The following MICAL3 variants were observed in gnomAD, a reference collection of about 807,000 sequenced individuals.
MICAL3 encodes the protein [F-actin]-monooxygenase MICAL3.
In MICAL3, 62 loss-of-function variants were observed where a neutral mutation model predicts 207.4. That is an observed-to-expected ratio of 0.30 (90% CI 0.24 to 0.37). MICAL3 has a LOEUF of 0.37. MICAL3 is among the 10% of genes least tolerant of loss of function. MICAL3 has a pLI of 1.00. For missense variants in MICAL3, 2,368 were observed against 2,635.6 expected (o/e 0.90, Z 2.22); for synonymous variants, 1,077 against 1,069.3 (o/e 1.01, Z -0.14).
At chr22:17,876,940 A>AG in intron 16 of MICAL3, 1 of 125,932 alleles carries the variant, frequency 7.9e-6, no homozygotes, top group Admixed American at 7.7e-5. Context: ...GAGGTTAGGG[A>AG]GGTTATGGAG....
At chr22:17,928,355 C>T (rs1163262470) in intron 1 of MICAL3, among the ~76,000 whole-genome samples, 3 of 151,774 alleles carry the variant, frequency 2.0e-5, no homozygotes, top group East Asian at 1.9e-4. Context: ...AGGAGAATGG[C>T]GTGAACCCGG....
chr22:18,000,275 T>C (rs1376389322), intron 1 of MICAL3, among the ~76,000 whole-genome samples: 1 of 150,746 alleles, frequency 6.6e-6, no homozygotes, highest in African/African-American at 2.4e-5. Flanking sequence ...TGTCCACCTG[T>C]CCACAGTTGA....
rs1929997797 is a variant in MICAL3, at chr22:17,887,205, C to A, written c.2032G>T (p.Ala678Ser). 1.2e-6 allele frequency: 2 copies of A among 1,613,716 alleles called. No individual in the cohort carries two copies. Among genetic ancestry groups the A allele is most frequent in the Non-Finnish European group, 1.7e-6 (2 of 1,179,798 alleles). The change falls in exon 15 of 32, where the codon GCT becomes TCT. Residue 678 changes from alanine (A) to serine (S), a missense_variant. Physicochemically the swap from Ala to Ser is moderately conservative, Grantham distance 99. Coordinates refer to ENST00000441493, the MANE Select transcript of MICAL3 (RefSeq NM_015241.3). ...KDKKEKDLDG[A>S]GKRRKTSQSE... ...TGACTGGTCTTTCTCCTCTTCCCAG[C>A]ACCATCCAAGTCCTTTTCCTTTTTA...
At chr22:18,015,615 G>T (rs933939561) in intron 1 of MICAL3, among the ~76,000 whole-genome samples, 5 of 151,866 alleles carry the variant, frequency 3.3e-5, no homozygotes, top group African/African-American at 1.2e-4. Context: ...GTTTCACCAT[G>T]CTAGCCAGCT....
chr22:17,822,126 G>A lies in MICAL3; in HGVS notation c.3352C>T (p.Arg1118Cys), dbSNP rs769551274. 45 of 1,613,710 alleles carry A rather than the reference G, an allele frequency of 2.8e-5. No homozygotes were observed. Among genetic ancestry groups the A allele is most frequent in the Non-Finnish European group, 3.5e-5 (41 of 1,179,902 alleles). Residue 1118 changes from arginine (R) to cysteine (C), a missense_variant, in exon 24 of 32, where the codon CGT (arginine) becomes TGT (cysteine). By Grantham distance (180) the Arg-to-Cys change is radical. Transcript: ENST00000441493. ...TCCCCCTCAGCTGGGCACGGCAAAC[G>A]CAGCTCTCTGTCAGCATCCGACGGG... is the stretch of plus-strand genomic sequence containing the variant. ...DSPSDADRELRLPCPAEGEAE... is the reference protein window; with the variant it reads ...DSPSDADRELCLPCPAEGEAE...
intron 1 of MICAL3, among the ~76,000 whole-genome samples, chr22:17,916,862 T>TA (rs1932554593): frequency 6.6e-6 from 1 of 152,192 alleles, no homozygotes; most frequent in Non-Finnish European, 1.5e-5. Context: ...CAGTGGCTTT[T>TA]AAACTGTGAT....
chr22:17,819,657 C>T (rs1277781463), intron 25 of MICAL3, among the ~76,000 whole-genome samples: 4 of 152,090 alleles, frequency 2.6e-5, no homozygotes, highest in Non-Finnish European at 4.4e-5. Context: ...ATTTCACAGA[C>T]GGCTGAGCGC....
At chr22:17,813,711 C>T (rs983403464) in intron 27 of MICAL3, 2 of 152,218 alleles carry the variant, frequency 1.3e-5, no homozygotes, top group Non-Finnish European at 2.9e-5. Context: ...ACAATCTACC[C>T]ATTTTCTGGG....
chr22:18,017,129 G>A (rs1435648697), intron 1 of MICAL3, among the ~76,000 whole-genome samples: 1 of 152,114 alleles, frequency 6.6e-6, no homozygotes, highest in Non-Finnish European at 1.5e-5. Context: ...GCCCAAGTCA[G>A]TCCTTGAGTC....
intron 1 of MICAL3, chr22:18,005,027 G>A (rs1923295188): frequency 6.6e-6 from 1 of 151,832 alleles, no homozygotes; most frequent in Admixed American, 6.6e-5. Context: ...TCTGCCTCCT[G>A]ATTTCAAGCG....
At chr22:17,888,760 T>C (rs988021060) in intron 13 of MICAL3, among the ~76,000 whole-genome samples, 2 of 152,160 alleles carry the variant, frequency 1.3e-5, no homozygotes, top group Non-Finnish European at 2.9e-5. Context: ...GCACGAGCAC[T>C]AGAAGGTGGT....
chr22:17,953,512 C>T (rs574609596), intron 1 of MICAL3, among the ~76,000 whole-genome samples: 2 of 152,254 alleles, frequency 1.3e-5, no homozygotes, highest in African/African-American at 2.4e-5. Flanking sequence ...AGGTACTCTA[C>T]CTTGGCTGTC....
chr22:17,919,535 C>T (rs1932750711), intron 1 of MICAL3, among the ~76,000 whole-genome samples: 1 of 152,212 alleles, frequency 6.6e-6, no homozygotes, highest in African/African-American at 2.4e-5. Flanking sequence ...TGAACTTCTC[C>T]AGGCAGAACT....
At chr22:17,987,275 C>T (rs190406344) in intron 1 of MICAL3, among the ~76,000 whole-genome samples, 18 of 152,284 alleles carry the variant, frequency 1.2e-4, no homozygotes, top group Admixed American at 1.1e-3. Context: ...AATCATTTTC[C>T]ACAGACTGAC....
In MICAL3 at chr22:17,896,841, C is replaced by A. The variant is rs1327874860; in HGVS notation, c.1089G>T (p.Gln363His). 6 of 1,614,042 alleles carry A rather than the reference C, an allele frequency of 3.7e-6. No homozygotes were observed. Among genetic ancestry groups the A allele is most frequent in the South Asian group, 1.1e-5 (1 of 91,082 alleles). The part of the protein sequence containing the change: ...SLDFAINHYG[Q>H]PDVAMFDFTC... ...TGAAGTCAAACATGGCCACATCGGG[C>A]TGCCCATAGTGATTGATGGCAAAAT... The change falls in exon 8 of 32, where the codon CAG becomes CAT. Residue 363 changes from glutamine (Q) to histidine (H), a missense_variant. By Grantham distance (24) the Gln-to-His change is conservative. Transcript: ENST00000441493.
intron 1 of MICAL3, among the ~76,000 whole-genome samples, chr22:17,945,986 C>T (rs1330764823): frequency 1.3e-5 from 2 of 152,170 alleles, no homozygotes; most frequent in African/African-American, 2.4e-5. Flanking sequence ...AAAGCAATCA[C>T]CTTATCAAGT....
intron 19 of MICAL3, among the ~76,000 whole-genome samples, chr22:17,849,764 G>A (rs746664478): frequency 1.5e-4 from 21 of 140,026 alleles, no homozygotes; most frequent in Non-Finnish European, 2.9e-4. Context: ...GTGCAACCTC[G>A]GCTCACTGCA....
chr22:17,896,710 T>C lies in MICAL3; in HGVS notation c.1206+14A>G. On this transcript the variant is annotated intron_variant, in intron 8 of 31. Transcript: ENST00000441493. ...CTGCCCCTACCACAGAGTGCTGCCA[T>C]GCTTAGCACTCACCTCTAGGAGGCT... The C allele has an allele frequency of 6.2e-7, 1 of 1,611,600 alleles. No homozygotes were observed. The highest frequency in any genetic ancestry group is 8.5e-7 in the Non-Finnish European group (1 of 1,178,544).
At chr22:17,856,867 C>T (rs868114347) in intron 19 of MICAL3, among the ~76,000 whole-genome samples, 4 of 151,864 alleles carry the variant, frequency 2.6e-5, no homozygotes, top group Non-Finnish European at 5.9e-5. Flanking sequence ...ATGATCCACC[C>T]GCCTCGGCCT....
Sources: gnomAD v4.1 joint callset for allele counts (sites outside exome capture counted in the v4.1 genomes callset) on GRCh38, gnomAD v4.1.1 for gene constraint, MANE v1.5 for transcripts, NCBI Gene and HGNC (gene_info 2026-07-23, HGNC 2026-07-21) for gene names.